The following ERC1 variants were observed in gnomAD, a reference collection of about 807,000 sequenced individuals.
ERC1 encodes the protein RAB6 interacting protein 2.
A neutral mutation model predicts 132.0 loss-of-function variants in ERC1; 56 were observed. The observed-to-expected ratio is 0.42, with a 90% CI of 0.34 to 0.53. The LOEUF is 0.53. Among genes scored for constraint, ERC1 ranks in the 20% least tolerant of loss-of-function variants. ERC1 has a pLI of 0.03. For missense variants in ERC1, 1,202 were observed against 1,349.9 expected (o/e 0.89, Z 1.72); for synonymous variants, 478 against 476.1 (o/e 1.00, Z -0.05).
At chr12:1,219,505 A>G (rs755076165) in intron 12 of ERC1, among the ~76,000 whole-genome samples, 48 of 152,278 alleles carry the variant, frequency 3.2e-4, no homozygotes, top group African/African-American at 9.1e-4. Context: ...CTTTAATTCA[A>G]TGATTCCATT....
intron 16 of ERC1, among the ~76,000 whole-genome samples, chr12:1,381,447 C>T (rs1183741412): frequency 6.6e-6 from 1 of 152,168 alleles, no homozygotes; most frequent in Non-Finnish European, 1.5e-5. Flanking sequence ...CATCCTCCCA[C>T]CTTGACCTCC....
At chr12:996,709 G>C (rs576796465) in intron 1 of ERC1, among the ~76,000 whole-genome samples, 1 of 152,132 alleles carries the variant, frequency 6.6e-6, no homozygotes, top group Non-Finnish European at 1.5e-5. Flanking sequence ...TTAAGAAATA[G>C]GTAATATATG....
intron 16 of ERC1, among the ~76,000 whole-genome samples, chr12:1,398,893 T>TCAGTGCTG (rs1191988742): frequency 6.6e-6 from 1 of 150,594 alleles, no homozygotes; most frequent in Non-Finnish European, 1.5e-5. Context: ...CTAGTAAACT[T>TCAGTGCTG]CAGTGCTGAC....
intron 16 of ERC1, among the ~76,000 whole-genome samples, chr12:1,378,977 G>A (rs1207750702): frequency 6.6e-6 from 1 of 152,130 alleles, no homozygotes; most frequent in African/African-American, 2.4e-5. Flanking sequence ...CTACTTGCAG[G>A]TCAAATATTG....
intron 12 of ERC1, among the ~76,000 whole-genome samples, chr12:1,191,335 A>G (rs1283087807): frequency 6.6e-6 from 1 of 152,174 alleles, no homozygotes; most frequent in East Asian, 1.9e-4. Flanking sequence ...CCCCTCACCC[A>G]TTACGTGCTT....
rs2084328991 is a variant in ERC1 at position 1,345,197 on chromosome 12, T to C, written c.2781-26636T>C. Among the ~76,000 whole-genome samples, 3 of 150,360 alleles carry C rather than the reference T, an allele frequency of 2.0e-5. 1 individual carries two copies. The highest frequency in any genetic ancestry group is 4.4e-5 in the Non-Finnish European group (3 of 67,628). ...AGTAGAATATTTCTTCTTTTTTTTT[T>C]TGAGACGGAGTCTCACTCTGTCGCC... On this transcript the variant is annotated intron_variant, in intron 15 of 18. Coordinates refer to ENST00000360905, the MANE Select transcript of ERC1 (RefSeq NM_178040.4).
chr12:1,401,748 TA>T (rs60523460), intron 16 of ERC1, among the ~76,000 whole-genome samples: 13,665 of 115,272 alleles, frequency 0.12, 1,342 homozygotes, highest in African/African-American at 0.29. Flanking sequence ...GGGAGGGCGG[TA>T]AAAAAAAAAA....
At chr12:1,311,151 A>G (rs962145997) in intron 15 of ERC1, among the ~76,000 whole-genome samples, 15 of 152,250 alleles carry the variant, frequency 9.9e-5, no homozygotes, top group African/African-American at 3.1e-4. Flanking sequence ...GTAGTTAGGT[A>G]TCCTTTCTGG....
chr12:1,243,350 C>T (rs2075955529), intron 13 of ERC1, among the ~76,000 whole-genome samples: 1 of 151,820 alleles, frequency 6.6e-6, no homozygotes, highest in Non-Finnish European at 1.5e-5. Flanking sequence ...AACCAATCCC[C>T]AGAAGATACT....
At chr12:1,419,959 A>G (rs1031757023) in intron 17 of ERC1, among the ~76,000 whole-genome samples, 2 of 151,656 alleles carry the variant, frequency 1.3e-5, no homozygotes, top group African/African-American at 4.8e-5. Context: ...TTTCCCAGGT[A>G]AACATTTCAA....
chr12:1,344,603 T>C (rs190149200), intron 15 of ERC1, among the ~76,000 whole-genome samples: 1 of 152,358 alleles, frequency 6.6e-6, no homozygotes, highest in East Asian at 1.9e-4. Context: ...AAAGATACAG[T>C]TAAAAAGAAA....
intron 2 of ERC1, among the ~76,000 whole-genome samples, chr12:1,054,162 T>C (rs1022522318): frequency 6.6e-6 from 1 of 152,234 alleles, no homozygotes; most frequent in Admixed American, 6.5e-5. Flanking sequence ...TCTTGACTGT[T>C]ACGTGCTGTA....
At chr12:1,451,872 A>G (rs1204755540) in intron 18 of ERC1, among the ~76,000 whole-genome samples, 1 of 152,210 alleles carries the variant, frequency 6.6e-6, no homozygotes, top group Non-Finnish European at 1.5e-5. Flanking sequence ...TAATTAAGTT[A>G]AAATGAGGCC....
At chr12:1,183,509 C>A in intron 11 of ERC1, 88 bp downstream of exon 11, 2 of 825,640 alleles carry the variant, frequency 2.4e-6, no homozygotes, top group Non-Finnish European at 3.5e-6. Context: ...AATAATTTAC[C>A]AATGGAATAA....
chr12:1,020,245 TC>T (rs1966144781), intron 1 of ERC1, among the ~76,000 whole-genome samples: 1 of 152,144 alleles, frequency 6.6e-6, no homozygotes, highest in African/African-American at 2.4e-5. Context: ...TCGCCTGATA[TC>T]AGGAGTTTGA....
Position 1,244,495 on chromosome 12 carries a change from ATGGT to A in ERC1, c.2487+7593_2487+7596del, listed in dbSNP as rs745332542. 425 of 411,756 alleles carry A rather than the reference ATGGT, an allele frequency of 1.0e-3. 4 individuals are homozygous for A. The highest frequency in any genetic ancestry group is 3.6e-3 in the South Asian group (221 of 61,302). The allele number at this position is 411,756 out of a possible 1,614,324, so 25.5% of individuals were successfully genotyped here. A position where few individuals can be genotyped will look rare whatever the true frequency, so the allele number is the denominator to read the frequency against. ...ATATTCATTAAGTGTTTTGTACTTA[ATGGT>A]TTGTTTGTTTGTTTGTTTGTTTGTT... On this transcript the variant is annotated intron_variant, in intron 13 of 18. Transcript: ENST00000360905.
At chr12:1,056,842 T>C (rs1592994984) in intron 2 of ERC1, among the ~76,000 whole-genome samples, 1 of 152,348 alleles carries the variant, frequency 6.6e-6, no homozygotes, top group East Asian at 1.9e-4. Context: ...CAGGCTGCTC[T>C]TTGTTAGAAA....
At chr12:1,213,686 G>A (rs1410271961) in intron 12 of ERC1, among the ~76,000 whole-genome samples, 2 of 148,868 alleles carry the variant, frequency 1.3e-5, no homozygotes, top group African/African-American at 2.5e-5. Context: ...GCAGTGAGCC[G>A]AGATCACTGC....
At chr12:1,272,512 A>AT (rs969255348) in intron 14 of ERC1, among the ~76,000 whole-genome samples, 1 of 152,202 alleles carries the variant, frequency 6.6e-6, no homozygotes, top group Admixed American at 6.5e-5. Context: ...TCAACTGAGA[A>AT]TAACACAGTC....
Sources: gnomAD v4.1 joint callset for allele counts (sites outside exome capture counted in the v4.1 genomes callset) on GRCh38, gnomAD v4.1.1 for gene constraint, MANE v1.5 for transcripts, NCBI Gene and HGNC (gene_info 2026-07-23, HGNC 2026-07-21) for gene names.